The following MDGA2 variants were observed in gnomAD, a reference collection of about 807,000 sequenced individuals.
MDGA2 encodes MAM domain containing glycosylphosphatidylinositol anchor 2.
In MDGA2, 40 loss-of-function variants were observed where a neutral mutation model predicts 117.8. The ratio of observed to expected loss-of-function variants is 0.34; its 90% confidence interval spans 0.26 to 0.44. The LOEUF (loss-of-function observed/expected upper bound fraction) is 0.44. MDGA2 is among the 20% of genes least tolerant of loss of function. The pLI is 1.00. For synonymous variants in MDGA2, 452 were observed against 439.0 expected (o/e 1.03, Z -0.37); for missense variants, 1,123 against 1,250.6 (o/e 0.90, Z 1.54).
intron 1 of MDGA2, among the ~76,000 whole-genome samples, chr14:47,458,452 T>A (rs1051121759): frequency 1.3e-5 from 2 of 152,132 alleles, no homozygotes; most frequent in African/African-American, 2.4e-5. Context: ...CTGAGTTGAT[T>A]TTTGTGTATG....
chr14:47,037,925 C>A (rs1006149475), intron 7 of MDGA2, among the ~76,000 whole-genome samples: 1 of 152,094 alleles, frequency 6.6e-6, no homozygotes, highest in Non-Finnish European at 1.5e-5. Context: ...ATTAATTTTA[C>A]CTTTTGTTGA....
At chr14:47,484,118 C>T (rs928634015) in intron 1 of MDGA2, among the ~76,000 whole-genome samples, 2 of 152,030 alleles carry the variant, frequency 1.3e-5, no homozygotes, top group Admixed American at 1.3e-4. Context: ...ATGCATATTT[C>T]TATTTCCTTC....
intron 5 of MDGA2, among the ~76,000 whole-genome samples, chr14:47,110,816 GT>G (rs2139053828): frequency 6.6e-6 from 1 of 152,228 alleles, no homozygotes; most frequent in African/African-American, 2.4e-5. Flanking sequence ...ATATATCTAT[GT>G]TTGGCTACTC....
intron 1 of MDGA2, among the ~76,000 whole-genome samples, chr14:47,540,446 C>T (rs1895321047): frequency 6.6e-6 from 1 of 151,476 alleles, no homozygotes; most frequent in Admixed American, 6.6e-5. Flanking sequence ...TTATCACCAA[C>T]ACACACACTC....
intron 2 of MDGA2, among the ~76,000 whole-genome samples, chr14:47,285,025 C>G (rs1040836556): frequency 2.6e-5 from 4 of 152,132 alleles, no homozygotes; most frequent in African/African-American, 9.7e-5. Flanking sequence ...CATTTACCAA[C>G]TCTATTAACT....
intron 14 of MDGA2, among the ~76,000 whole-genome samples, chr14:46,869,811 G>A (rs573239865): frequency 2.6e-5 from 4 of 152,074 alleles, no homozygotes; most frequent in African/African-American, 9.6e-5. Flanking sequence ...CTGCTGCCAT[G>A]TTATGCGACA....
intron 1 of MDGA2, among the ~76,000 whole-genome samples, chr14:47,406,731 A>G (rs1409196877): frequency 6.6e-6 from 1 of 152,012 alleles, no homozygotes; most frequent in East Asian, 1.9e-4. Context: ...GTTGAACATA[A>G]TATTTATTCT....
chr14:46,897,339 T>C (rs1432826163), intron 10 of MDGA2, among the ~76,000 whole-genome samples: 2 of 152,134 alleles, frequency 1.3e-5, no homozygotes, highest in East Asian at 3.9e-4. Flanking sequence ...TTATCAAAGA[T>C]TTCTTAACGC....
chr14:47,014,937 C>A (rs1888028341), intron 8 of MDGA2, among the ~76,000 whole-genome samples: 1 of 152,148 alleles, frequency 6.6e-6, no homozygotes, highest in South Asian at 2.1e-4. Context: ...GCATTCCACA[C>A]TAAGCTTAAT....
intron 3 of MDGA2, among the ~76,000 whole-genome samples, chr14:47,206,555 CACTCTGGCTCTG>C (rs1885691598): frequency 6.6e-6 from 1 of 151,952 alleles, no homozygotes; most frequent in Admixed American, 6.6e-5. Context: ...CACTCCACTG[CACTCTGGCTCTG>C]TCTCAAATAT....
chr14:47,377,924 C>G (rs1891517441), intron 1 of MDGA2, among the ~76,000 whole-genome samples: 1 of 152,228 alleles, frequency 6.6e-6, no homozygotes, highest in African/African-American at 2.4e-5. Context: ...AAGTGGGTCC[C>G]TGACCCCTGA....
rs536632452 is a variant in MDGA2, at chr14:47,171,834, A to AG, written c.596-27561dup. ...CAGCACACCATGCGCGAGCTGAAGC[A>AG]GGGCGAGGCATTGCCTTACTCAGGA... On this transcript the variant is annotated intron_variant, in intron 3 of 16. Transcript: ENST00000399232. Among the ~76,000 whole-genome samples, 719 of 152,292 alleles carry AG rather than the reference A, an allele frequency of 4.7e-3. 2 individuals are homozygous for AG. Among genetic ancestry groups the AG allele is most frequent in the Non-Finnish European group, 8.2e-3 (556 of 68,020 alleles).
intron 1 of MDGA2, among the ~76,000 whole-genome samples, chr14:47,592,094 A>G (rs1896452131): frequency 6.6e-6 from 1 of 152,140 alleles, no homozygotes; most frequent in Non-Finnish European, 1.5e-5. Context: ...CTATAAACCA[A>G]CAACAGACAA....
At chr14:47,018,433 ATCTC>A (rs1218150765) in intron 8 of MDGA2, among the ~76,000 whole-genome samples, 3 of 152,138 alleles carry the variant, frequency 2.0e-5, no homozygotes, top group African/African-American at 7.2e-5. Flanking sequence ...CATTCAGAGT[ATCTC>A]TTTCTTTTAC....
intron 1 of MDGA2, among the ~76,000 whole-genome samples, chr14:47,402,537 C>G (rs1030257596): frequency 6.6e-6 from 1 of 151,944 alleles, no homozygotes; most frequent in African/African-American, 2.4e-5. Context: ...CATTTCTAGC[C>G]TACAAAGCAT....
chr14:47,619,231 C>A (rs999882226), intron 1 of MDGA2, among the ~76,000 whole-genome samples: 1 of 151,650 alleles, frequency 6.6e-6, no homozygotes, highest in African/African-American at 2.4e-5. Flanking sequence ...ATACTACTAA[C>A]TAGACAATCA....
rs146109401 is a variant in MDGA2 at position 47,210,520 on chromosome 14, A to G, written c.595+7501T>C. Reference sequence around the variant, plus strand: ...TTAGAAAATTGTTTAAATGTCCTCAAGAATCTTAAGGTAACAAATATATTT... The same window carrying G: ...TTAGAAAATTGTTTAAATGTCCTCAGGAATCTTAAGGTAACAAATATATTT... On this transcript the variant is annotated intron_variant, in intron 3 of 16. Coordinates refer to ENST00000399232, the MANE Select transcript of MDGA2 (RefSeq NM_001113498.3). Among the ~76,000 whole-genome samples the G allele has an allele frequency of 3.3e-3, 510 of 152,346 alleles. 3 individuals carry two copies. Among genetic ancestry groups the G allele is most frequent in the African/African-American group, 0.012 (480 of 41,584 alleles).
chr14:47,349,268 C>G (rs1300194999), intron 1 of MDGA2, among the ~76,000 whole-genome samples: 1 of 152,150 alleles, frequency 6.6e-6, no homozygotes, highest in African/African-American at 2.4e-5. Flanking sequence ...AGTCCAAATG[C>G]CTCTTTTTCG....
chr14:46,921,400 G>A (rs1884123784), intron 9 of MDGA2, among the ~76,000 whole-genome samples: 1 of 150,790 alleles, frequency 6.6e-6, no homozygotes, highest in African/African-American at 2.4e-5. Context: ...AGTTGTTAAA[G>A]ACCCACCAAC....
Sources: gnomAD v4.1 joint callset for allele counts (sites outside exome capture counted in the v4.1 genomes callset) on GRCh38, gnomAD v4.1.1 for gene constraint, MANE v1.5 for transcripts, NCBI Gene and HGNC (gene_info 2026-07-23, HGNC 2026-07-21) for gene names.